MNAT1: variants seen among roughly 807,000 people sequenced by gnomAD.
MNAT1 encodes the protein CDK-activating kinase assembly factor MAT1.
A neutral mutation model predicts 42.0 loss-of-function variants in MNAT1; 43 were observed. The ratio of observed to expected loss-of-function variants is 1.02; its 90% CI spans 0.80 to 1.32. MNAT1 has a LOEUF of 1.32. MNAT1 is among the 40% of genes most tolerant of loss of function. MNAT1 has a pLI of 0.00. For missense variants in MNAT1, 306 were observed against 350.4 expected, an observed-to-expected ratio of 0.87 and a Z score of 1.01; for synonymous variants, 118 against 120.0, an observed-to-expected ratio of 0.98 and a Z score of 0.11.
At chr14:60,748,084 C>G (rs1272838802) in intron 1 of MNAT1, among the ~76,000 whole-genome samples, 1 of 151,924 alleles carries the variant, frequency 6.6e-6, no homozygotes, top group East Asian at 1.9e-4. Context: ...TAGTCCCAAG[C>G]TACTTGGGAG....
intron 6 of MNAT1, among the ~76,000 whole-genome samples, chr14:60,856,837 C>T (rs561769348): frequency 1.6e-4 from 25 of 152,154 alleles, no homozygotes; most frequent in Admixed American, 1.2e-3. Flanking sequence ...CTCACCACCA[C>T]GCCCAGCTAA....
intron 1 of MNAT1, among the ~76,000 whole-genome samples, chr14:60,760,718 A>G (rs1266570892): frequency 7.9e-5 from 12 of 152,208 alleles, no homozygotes; most frequent in Admixed American, 5.9e-4. Context: ...TACAATTACT[A>G]TGAGATCTAT....
At chr14:60,875,011 G>A (rs1302223018) in intron 6 of MNAT1, among the ~76,000 whole-genome samples, 1 of 152,082 alleles carries the variant, frequency 6.6e-6, no homozygotes, top group Non-Finnish European at 1.5e-5. Flanking sequence ...GGGAAAGATA[G>A]ATGGAATGTT....
At chr14:60,754,846 C>T (rs1251484663) in intron 1 of MNAT1, among the ~76,000 whole-genome samples, 1 of 152,116 alleles carries the variant, frequency 6.6e-6, no homozygotes, top group Non-Finnish European at 1.5e-5. Context: ...TGTAAGCTTC[C>T]TGTCATTGAC....
intron 7 of MNAT1, among the ~76,000 whole-genome samples, chr14:60,909,294 G>T (rs1319438534): frequency 1.3e-5 from 2 of 152,062 alleles, no homozygotes; most frequent in Non-Finnish European, 2.9e-5. Flanking sequence ...TCTGATGGTG[G>T]TTTCTTTTGC....
chr14:60,760,295 A>G (rs1460001733), intron 1 of MNAT1, among the ~76,000 whole-genome samples: 1 of 152,106 alleles, frequency 6.6e-6, no homozygotes, highest in Non-Finnish European at 1.5e-5. Flanking sequence ...GTTGATGGAA[A>G]TTTAGAAATA....
intron 7 of MNAT1, among the ~76,000 whole-genome samples, chr14:60,944,318 G>A (rs373913917): frequency 2.0e-5 from 3 of 152,154 alleles, no homozygotes; most frequent in Admixed American, 6.5e-5. Context: ...CCTTTGTGAG[G>A]CATTCAGGCT....
At chr14:60,837,759 C>T (rs1266719241) in intron 6 of MNAT1, among the ~76,000 whole-genome samples, 2 of 152,234 alleles carry the variant, frequency 1.3e-5, no homozygotes, top group African/African-American at 2.4e-5. Context: ...ACTTTGCTGT[C>T]TGTTTCCTTT....
intron 6 of MNAT1, among the ~76,000 whole-genome samples, chr14:60,822,969 C>T (rs1190754000): frequency 1.3e-5 from 2 of 152,206 alleles, no homozygotes; most frequent in East Asian, 3.9e-4. Flanking sequence ...GTTGCCCAGG[C>T]CGGTCTGGAA....
chr14:60,850,126 C>T (rs769750262), intron 6 of MNAT1, among the ~76,000 whole-genome samples: 2 of 152,242 alleles, frequency 1.3e-5, no homozygotes, highest in African/African-American at 2.4e-5. Flanking sequence ...TGTGGGCCAC[C>T]TCACCTGGCC....
At chr14:60,755,431 T>G (rs1029260256) in intron 1 of MNAT1, among the ~76,000 whole-genome samples, 2 of 152,154 alleles carry the variant, frequency 1.3e-5, no homozygotes, top group Non-Finnish European at 2.9e-5. Context: ...CGTGAGCCAC[T>G]GTGCCTGGCC....
intron 7 of MNAT1, among the ~76,000 whole-genome samples, chr14:60,946,209 A>G (rs924049188): frequency 1.3e-5 from 2 of 152,178 alleles, no homozygotes; most frequent in Non-Finnish European, 2.9e-5. Flanking sequence ...TTTCCATCTT[A>G]AAACCACATA....
At chr14:60,919,054 A>T (rs1462841389) in intron 7 of MNAT1, among the ~76,000 whole-genome samples, 5 of 151,110 alleles carry the variant, frequency 3.3e-5, no homozygotes, top group Non-Finnish European at 5.9e-5. Context: ...TGAATGCTAC[A>T]CACCGAGAGA....
intron 7 of MNAT1, among the ~76,000 whole-genome samples, chr14:60,885,851 A>G (rs1023436934): frequency 6.6e-6 from 1 of 152,030 alleles, no homozygotes; most frequent in African/African-American, 2.4e-5. Flanking sequence ...GTTAACATCA[A>G]GGATCTTTCT....
At position 60,818,746 on chromosome 14, in the gene MNAT1, C is replaced by T; in HGVS notation, c.586C>T (p.Leu196=). The T allele has an allele frequency of 6.2e-7, 1 of 1,609,896 alleles. No homozygotes were observed. Among genetic ancestry groups the T allele is most frequent in the Non-Finnish European group, 8.5e-7 (1 of 1,177,280 alleles). Residue 196 remains leucine, a synonymous_variant, in exon 6 of 8, where the codon CTG becomes TTG. Transcript: ENST00000261245. ...ELESSDLPVA[L]LLAQHKDRST... ...GGAGAGTTCTGATCTCCCTGTTGCT[C>T]TGCTTTTGGCTCAGCATAAAGATAG... is the stretch of plus-strand genomic sequence containing the variant.
intron 4 of MNAT1, 55 bp from the exon 5 acceptor site, chr14:60,811,932 T>A: frequency 7.1e-7 from 1 of 1,412,376 alleles, no homozygotes; most frequent in Non-Finnish European, 9.5e-7. Context: ...GTGTGGTATA[T>A]GATTGCTCTT....
chr14:60,742,223 C>T (rs1474904294), intron 1 of MNAT1, among the ~76,000 whole-genome samples: 1 of 151,954 alleles, frequency 6.6e-6, no homozygotes, highest in East Asian at 1.9e-4. Flanking sequence ...GAATTTGGGA[C>T]TACAGGTGTG....
chr14:60,741,176 T>G (rs1001082079), intron 1 of MNAT1, among the ~76,000 whole-genome samples: 1 of 152,172 alleles, frequency 6.6e-6, no homozygotes, highest in Non-Finnish European at 1.5e-5. Context: ...AGATTTCTTG[T>G]GCTTACTATT....
At chr14:60,942,443 AT>A (rs71114169) in intron 7 of MNAT1, among the ~76,000 whole-genome samples, 455 of 143,232 alleles carry the variant, frequency 3.2e-3, no homozygotes, top group East Asian at 0.03. Context: ...TTCTCTCTTA[AT>A]TTTTTTTTTT....
Sources: allele counts gnomAD v4.1 joint callset (sites outside exome capture counted in the v4.1 genomes callset), GRCh38; gene constraint gnomAD v4.1.1; transcripts MANE v1.5; gene names NCBI Gene and HGNC (gene_info 2026-07-23, HGNC 2026-07-21).